The following SFI1 variants were observed in gnomAD, a reference collection of about 807,000 sequenced individuals.
The protein encoded by SFI1 is protein SFI1 homolog.
SFI1 carries 195 observed loss-of-function variants against 207.5 expected under a neutral mutation model. The observed-to-expected ratio is 0.94, with a 90% CI of 0.84 to 1.06. The LOEUF (loss-of-function observed/expected upper bound fraction) is 1.06. SFI1 is among the 50% of genes least tolerant of loss of function. The pLI, the probability that SFI1 is intolerant of heterozygous loss-of-function variation, is 0.00. For missense variants in SFI1, 1,634 were observed against 1,588.0 expected, an observed-to-expected ratio of 1.03 and a Z score of -0.49; for synonymous variants, 630 against 598.9, an observed-to-expected ratio of 1.05 and a Z score of -0.76.
At chr22:31,504,893 T>C (rs2146501798) in intron 1 of SFI1, among the ~76,000 whole-genome samples, 1 of 152,276 alleles carries the variant, frequency 6.6e-6, no homozygotes. Flanking sequence ...CCCACCCTAC[T>C]CCCATGTGAC....
intron 15 of SFI1, among the ~76,000 whole-genome samples, chr22:31,596,751 T>C (rs1193846001): frequency 1.5e-5 from 2 of 134,774 alleles, no homozygotes; most frequent in Non-Finnish European, 3.0e-5. Context: ...ACCACTGCAC[T>C]CCAGCCTAGG....
chr22:31,496,951 C>T (rs1188189711), intron 1 of SFI1, among the ~76,000 whole-genome samples: 1 of 152,186 alleles, frequency 6.6e-6, no homozygotes, highest in Admixed American at 6.5e-5. Context: ...GGCCGGTGCT[C>T]GAGTCCACGC....
intron 2 of SFI1, among the ~76,000 whole-genome samples, chr22:31,519,106 C>T (rs1358821383): frequency 6.6e-6 from 1 of 151,982 alleles, no homozygotes. Context: ...TTGTAATGCT[C>T]ATAAAAATAC....
intron 4 of SFI1, among the ~76,000 whole-genome samples, chr22:31,542,737 C>T (rs2059677165): frequency 6.7e-6 from 1 of 150,144 alleles, no homozygotes; most frequent in South Asian, 2.1e-4. Flanking sequence ...TCTCAGCTCA[C>T]TCCAACCTCC....
intron 14 of SFI1, among the ~76,000 whole-genome samples, chr22:31,586,023 A>G (rs1432085075): frequency 6.6e-6 from 1 of 152,108 alleles, no homozygotes; most frequent in African/African-American, 2.4e-5. Flanking sequence ...GTTTGGGGAT[A>G]GAATCCAAAT....
At chr22:31,616,059 G>A (rs929994262) in intron 29 of SFI1, 2 of 152,282 alleles carry the variant, frequency 1.3e-5, no homozygotes, top group African/African-American at 2.4e-5. Flanking sequence ...CCTCTAGGAG[G>A]AGAGTACAGG....
intron 1 of SFI1, 23 bp from the exon 2 acceptor site, chr22:31,508,228 CTCTT>C (rs1391979339): frequency 7.5e-7 from 1 of 1,341,376 alleles, no homozygotes; most frequent in African/African-American, 1.4e-5. Context: ...ATCATTTTCT[CTCTT>C]TTTTATTCTC....
chr22:31,613,310 T>C (rs2070725786), intron 25 of SFI1, 44 bp from the exon 26 acceptor site: 1 of 1,603,800 alleles, frequency 6.2e-7, no homozygotes, highest in Non-Finnish European at 8.5e-7. Context: ...GTGGGGGAGC[T>C]CTAAGCAGGG....
chr22:31,505,018 C>T (rs988149550), intron 1 of SFI1, among the ~76,000 whole-genome samples: 5 of 152,150 alleles, frequency 3.3e-5, no homozygotes, highest in Non-Finnish European at 5.9e-5. Flanking sequence ...GAACACAATT[C>T]AACCCACAAC....
At chr22:31,519,134 A>G (rs1396611800) in intron 2 of SFI1, among the ~76,000 whole-genome samples, 2 of 152,220 alleles carry the variant, frequency 1.3e-5, no homozygotes, top group Non-Finnish European at 2.9e-5. Context: ...CAATATATGA[A>G]ATACAACTAC....
chr22:31,585,815 TG>T (rs2064960366), intron 14 of SFI1, among the ~76,000 whole-genome samples: 1 of 152,188 alleles, frequency 6.6e-6, no homozygotes, highest in African/African-American at 2.4e-5. Context: ...TTACACTCAG[TG>T]GGAAAGGGTT....
chr22:31,541,868 C>T (rs748975492), intron 4 of SFI1, among the ~76,000 whole-genome samples: 44 of 151,646 alleles, frequency 2.9e-4, no homozygotes, highest in African/African-American at 9.0e-4. Context: ...TTTGGGAGGC[C>T]GAGGTGGGCG....
At chr22:31,612,978 G>A in intron 24 of SFI1, 164 bp from the exon 25 acceptor site, 1 of 663,010 alleles carries the variant, frequency 1.5e-6, no homozygotes, top group Non-Finnish European at 2.6e-6. Context: ...TGGAGCGTGT[G>A]TTGAGCATCT....
At chr22:31,538,262 CTTAACCTTTT>C (rs2059175938) in intron 4 of SFI1, 1 of 112,274 alleles carries the variant, frequency 8.9e-6, no homozygotes. Context: ...TGCACCCAGC[CTTAACCTTTT>C]TTTTTTTTTT....
intron 2 of SFI1, among the ~76,000 whole-genome samples, chr22:31,523,407 GA>G (rs2057509465): frequency 6.6e-6 from 1 of 152,086 alleles, no homozygotes; most frequent in South Asian, 2.1e-4. Context: ...AAATCAGGAG[GA>G]AAAAATCCAG....
In SFI1 at chr22:31,613,163, C is replaced by G. The variant is rs1453020129; in HGVS notation, c.2512C>G (p.Gln838Glu). The G allele has an allele frequency of 1.2e-6, 2 of 1,613,562 alleles. No homozygotes were observed. Among genetic ancestry groups the G allele is most frequent in the East Asian group, 4.5e-5 (2 of 44,892 alleles). ...CTAGCTGGCAGCCAGGAGGCAGGAG[C>G]AGCGGGCGACAGTGCGGGCCCTGTG... ...RQQLAARRQE[Q>E]RATVRALWFW... The change falls in exon 25 of 33, where the codon CAG (glutamine) becomes GAG (glutamate). Residue 838 changes from glutamine (Q) to glutamate (E), a missense_variant. Coordinates refer to ENST00000400288, the MANE Select transcript of SFI1 (RefSeq NM_001007467.3).
In SFI1 at chr22:31,573,131, A is replaced by T; in HGVS notation, c.839A>T (p.His280Leu). ...EKQKVVSAVKHHQHWQKRRFL... is the reference protein window; with the variant it reads ...EKQKVVSAVKLHQHWQKRRFL... ...CAAAAGGTTGTCTCTGCAGTGAAAC[A>T]TCATCAGCACTGGCAAAAACGGAGA... Residue 280 changes from histidine to leucine, a missense_variant, in exon 9 of 33, where the codon CAT becomes CTT. Transcript: ENST00000400288. 6.2e-7 allele frequency: 1 copy of T among 1,614,002 alleles called. No individual in the cohort carries two copies. Among genetic ancestry groups the T allele is most frequent in the South Asian group, 1.1e-5 (1 of 91,076 alleles).
At position 31,613,433 on chromosome 22, in the gene SFI1, AG is replaced by A; in HGVS notation, c.2649del (p.Gln884SerfsTer17). The stretch of plus-strand genomic sequence containing the variant: ...CTGCAGTGGGCGCTCCAGGCCTACC[AG>A]GGGCAGCTCCTCCAGGAGGGTGCCA... Reference protein sequence around the residue: ...ARLQWALQAYQGQLLQEGATR... With the variant: ...ARLQWALQAYXGQLLQEGATR... On this transcript the variant is annotated frameshift_variant, in exon 26 of 33. Coordinates refer to ENST00000400288, the MANE Select transcript of SFI1 (RefSeq NM_001007467.3). LOFTEE classifies it high-confidence loss of function. 6.2e-7 allele frequency: 1 copy of A among 1,609,346 alleles called. No homozygotes were observed. The highest frequency in any genetic ancestry group is 1.3e-5 in the African/African-American group (1 of 75,050).
rs542413307 is a variant in SFI1 at position 31,501,718 on chromosome 22, C to G, written c.-31+5081C>G. Among the ~76,000 whole-genome samples, 23 of 152,278 alleles carry G rather than the reference C, an allele frequency of 1.5e-4. No individual in the cohort carries two copies. In the South Asian group the frequency reaches 4.1e-3, roughly 27 times the overall value. On this transcript the variant is annotated intron_variant, in intron 1 of 32. Transcript: ENST00000400288. ...ACTAATGCGTAGCAGAGTACCTTAT[C>G]TATAGATGTTATTTTGATTATAGTC... is the stretch of plus-strand genomic sequence containing the variant.
Sources: gnomAD v4.1 joint callset for allele counts (sites outside exome capture counted in the v4.1 genomes callset) on GRCh38, gnomAD v4.1.1 for gene constraint, MANE v1.5 for transcripts, NCBI Gene and HGNC (gene_info 2026-07-23, HGNC 2026-07-21) for gene names.